OPRM1: variants seen among roughly 807,000 people sequenced by gnomAD.
OPRM1 encodes opioid receptor mu 1, also known as mu-type opioid receptor.
Under a neutral mutation model 31.8 loss-of-function variants are expected in OPRM1, and 27 were observed. The ratio of observed to expected loss-of-function variants is 0.85; its 90% CI spans 0.63 to 1.17. The LOEUF (loss-of-function observed/expected upper bound fraction) is 1.17, where lower values mean the gene tolerates loss of function less well. Among genes scored for constraint, OPRM1 ranks in the 50% most tolerant of loss-of-function variants. The probability of loss-of-function intolerance (pLI) is 0.00; values close to 1 mark genes in which losing one functional copy is unlikely to be tolerated. For synonymous variants in OPRM1, 196 were observed against 189.9 expected, an observed-to-expected ratio of 1.03 and a Z score of -0.26; for missense variants, 536 against 511.1, an observed-to-expected ratio of 1.05 and a Z score of -0.47.
At chr6:154,087,427 G>A (rs555347410) in intron 1 of OPRM1, 1 of 985,262 alleles carries the variant, frequency 1.0e-6, no homozygotes, top group Non-Finnish European at 1.2e-6. Context: ...ACATTTAAAA[G>A]GAATTGATGG....
intron 1 of OPRM1, among the ~76,000 whole-genome samples, chr6:154,013,972 T>C (rs559831275): frequency 3.9e-5 from 6 of 152,096 alleles, no homozygotes; most frequent in African/African-American, 1.4e-4. Flanking sequence ...ATCCTACGCA[T>C]TGAGAGAAGG....
intron 3 of OPRM1, among the ~76,000 whole-genome samples, chr6:154,115,186 G>A (rs549017095): frequency 3.3e-5 from 5 of 152,236 alleles, no homozygotes; most frequent in African/African-American, 4.8e-5. Flanking sequence ...GAAGGACCTC[G>A]GAGAACCTAG....
rs76006347 is a variant in OPRM1 at position 154,149,619 on chromosome 6, T to C, written c.1164+58147T>C. 6.9e-3 allele frequency among the ~76,000 whole-genome samples: 939 copies of C among 136,814 alleles called. 4 individuals are homozygous for C. Among genetic ancestry groups the C allele is most frequent in the Non-Finnish European group, 9.1e-3 (580 of 63,704 alleles). The allele number at this position is 136,814 out of a possible 152,430, so 89.8% of individuals were successfully genotyped here. A position where few individuals can be genotyped will look rare whatever the true frequency, so the allele number is the denominator to read the frequency against. ...GATCGTGTGTGTGTGTGTGTGTGTG[T>C]GCGCGCGTGTGTGTGTAGAGAGAGA... On this transcript the variant is annotated intron_variant, in intron 3 of 3. Transcript: ENST00000337049.
intron 3 of OPRM1, among the ~76,000 whole-genome samples, chr6:154,118,190 G>A (rs1393615614): frequency 6.6e-6 from 1 of 152,058 alleles, no homozygotes; most frequent in Non-Finnish European, 1.5e-5. Context: ...CAGGTAGGGT[G>A]TATACTTCAA....
At chr6:154,040,388 T>C (rs1460322989) in intron 1 of OPRM1, among the ~76,000 whole-genome samples, 1 of 152,148 alleles carries the variant, frequency 6.6e-6, no homozygotes, top group East Asian at 1.9e-4. Flanking sequence ...CCCCACCCTT[T>C]CTTCTCCCCT....
chr6:154,090,104 A>G lies in OPRM1; in HGVS notation c.569A>G (p.Asn190Ser). ...FRTPRNAKII[N>S]VCNWILSSAI... is the part of the protein sequence containing the mutation. ...ACTCCCCGAAATGCCAAAATTATCA[A>G]TGTCTGCAACTGGATCCTCTCTTCA... Residue 190 changes from asparagine to serine, a missense_variant, in exon 2 of 4, where the codon AAT becomes AGT. Physicochemically the swap from Asn to Ser is conservative, Grantham distance 46. Transcript: ENST00000330432. 2 of 1,614,154 alleles carry G rather than the reference A, an allele frequency of 1.2e-6. No homozygotes were observed. The highest frequency in any genetic ancestry group is 1.7e-6 in the Non-Finnish European group (2 of 1,180,006).
intron 3 of OPRM1, among the ~76,000 whole-genome samples, chr6:154,231,640 T>A (rs1779729654): frequency 6.6e-6 from 1 of 152,114 alleles, no homozygotes; most frequent in South Asian, 2.1e-4. Context: ...TAATTTTGTG[T>A]AAGAAAGGAG....
At chr6:154,113,307 G>A (rs1042943634) in intron 3 of OPRM1, among the ~76,000 whole-genome samples, 1 of 152,150 alleles carries the variant, frequency 6.6e-6, no homozygotes, top group Non-Finnish European at 1.5e-5. Flanking sequence ...TATCCCTCAG[G>A]CAGGACAGCC....
intron 2 of OPRM1, among the ~76,000 whole-genome samples, chr6:154,090,513 A>G (rs948399124): frequency 2.6e-4 from 40 of 152,244 alleles, no homozygotes; most frequent in African/African-American, 8.9e-4. Context: ...GTTTAAAATT[A>G]TCAAGTGGCT....
chr6:154,066,690 T>A (rs1196640054), intron 1 of OPRM1, among the ~76,000 whole-genome samples: 1 of 150,348 alleles, frequency 6.7e-6, no homozygotes, highest in African/African-American at 2.4e-5. Context: ...GAGAGAGAGA[T>A]CTCCTTTAAG....
intron 3 of OPRM1, among the ~76,000 whole-genome samples, chr6:154,228,207 T>C (rs1013443807): frequency 6.6e-6 from 1 of 152,052 alleles, no homozygotes; most frequent in Admixed American, 6.6e-5. Context: ...GGCTCACGCC[T>C]GTAATCCCAG....
At chr6:154,225,200 G>A (rs545389038) in intron 3 of OPRM1, among the ~76,000 whole-genome samples, 81 of 152,246 alleles carry the variant, frequency 5.3e-4, no homozygotes, top group African/African-American at 1.9e-3. Flanking sequence ...TCATGTTGGT[G>A]CTCAAAAACT....
At chr6:154,065,479 C>T (rs2128443405) in intron 1 of OPRM1, among the ~76,000 whole-genome samples, 1 of 152,276 alleles carries the variant, frequency 6.6e-6, no homozygotes, top group Non-Finnish European at 1.5e-5. Flanking sequence ...ACACATCTTT[C>T]ACCTCCTTGG....
At position 154,119,057 on chromosome 6, in the gene OPRM1, A is replaced by G. The variant is rs997472685; in HGVS notation, c.*336A>G. The G allele has an allele frequency of 1.3e-5, 14 of 1,056,104 alleles. No homozygotes were observed. In the African/African-American group the frequency reaches 1.5e-4, roughly 11 times the overall value. 65.4% of individuals were successfully genotyped at this position (1,056,104 alleles called of 1,614,324 possible). A position where few individuals can be genotyped will look rare whatever the true frequency, so the allele number is the denominator to read the frequency against. On this transcript the variant is annotated 3_prime_UTR_variant, in exon 4 of 4. Coordinates refer to ENST00000330432, the MANE Select transcript of OPRM1 (RefSeq NM_000914.5). ...AGATTTTATTTTCAAGCAAATATTTATGACCTCAACAAAGAAGAACCATCT... is the reference window on the plus strand; with the variant it reads ...AGATTTTATTTTCAAGCAAATATTTGTGACCTCAACAAAGAAGAACCATCT...
At chr6:154,094,792 G>A (rs1358652572) in intron 3 of OPRM1, among the ~76,000 whole-genome samples, 1 of 152,148 alleles carries the variant, frequency 6.6e-6, no homozygotes, top group African/African-American at 2.4e-5. Context: ...AGATTCAAAG[G>A]GTGAGAAATT....
Position 154,091,278 on chromosome 6 carries a change from A to G in OPRM1, c.970A>G (p.Ile324Val). 6.2e-7 allele frequency: 1 copy of G among 1,614,186 alleles called. No homozygotes were observed. The highest frequency in any genetic ancestry group is 2.2e-5 in the East Asian group (1 of 44,896). Residue 324 changes from isoleucine to valine, a missense_variant, in exon 3 of 4, where the codon ATT becomes GTT. Physicochemically the swap from Ile to Val is conservative, Grantham distance 29. Coordinates refer to ENST00000330432, the MANE Select transcript of OPRM1 (RefSeq NM_000914.5). The part of the protein sequence containing the change: ...TFQTVSWHFC[I>V]ALGYTNSCLN... ...CCAGACTGTTTCTTGGCACTTCTGC[A>G]TTGCTCTAGGTTACACAAACAGCTG...
chr6:154,039,151 C>T, upstream of OPRM1: 5 of 1,550,628 alleles, frequency 3.2e-6, no homozygotes, highest in African/African-American at 6.8e-5. Flanking sequence ...TCTCCATCTC[C>T]CTCCTTTAGA....
exon 1 of OPRM1, chr6:154,010,769 A>G: frequency 7.1e-7 from 1 of 1,416,514 alleles, no homozygotes; most frequent in African/African-American, 1.4e-5. Flanking sequence ...AAACAAGAGA[A>G]TTCGGTCAAG....
At chr6:154,183,159 T>C (rs1801045488) in intron 3 of OPRM1, among the ~76,000 whole-genome samples, 1 of 151,906 alleles carries the variant, frequency 6.6e-6, no homozygotes, top group African/African-American at 2.4e-5. Context: ...TTTTGTATTT[T>C]TAGTAGAGAC....
Sources: gnomAD v4.1 joint callset for allele counts (sites outside exome capture counted in the v4.1 genomes callset) on GRCh38, gnomAD v4.1.1 for gene constraint, MANE v1.5 for transcripts, NCBI Gene and HGNC (gene_info 2026-07-23, HGNC 2026-07-21) for gene names.